FPR3: variants seen among roughly 807,000 people sequenced by gnomAD.
The protein encoded by FPR3 is N-formyl peptide receptor 3.
For synonymous variants in FPR3, 135 were observed against 163.6 expected (o/e 0.83, Z 1.34); for missense variants, 346 against 443.2 (o/e 0.78, Z 1.97).
intron 1 of FPR3, among the ~76,000 whole-genome samples, chr19:51,799,197 T>C (rs2084015866): frequency 6.6e-6 from 1 of 152,160 alleles, no homozygotes; most frequent in Non-Finnish European, 1.5e-5. Flanking sequence ...GCCTGTCCTC[T>C]TGCTCCTCTG....
At chr19:51,809,103 A>G (rs899939551) in intron 1 of FPR3, among the ~76,000 whole-genome samples, 4 of 152,214 alleles carry the variant, frequency 2.6e-5, no homozygotes, top group Non-Finnish European at 5.9e-5. Context: ...CTGATATCTC[A>G]TGTTCTTCAA....
chr19:51,813,094 G>A (rs538696605), intron 1 of FPR3, among the ~76,000 whole-genome samples: 241 of 151,158 alleles, frequency 1.6e-3, no homozygotes, highest in African/African-American at 5.4e-3. Flanking sequence ...ACTCCAGCAT[G>A]GGTGACAGAG....
chr19:51,817,038 G>C (rs1173327277), intron 1 of FPR3, among the ~76,000 whole-genome samples: 1 of 152,096 alleles, frequency 6.6e-6, no homozygotes, highest in East Asian at 1.9e-4. Context: ...CTTGACCCTT[G>C]TTATTTGGAG....
intron 1 of FPR3, among the ~76,000 whole-genome samples, chr19:51,817,115 A>G (rs2084142774): frequency 6.6e-6 from 1 of 152,180 alleles, no homozygotes; most frequent in Non-Finnish European, 1.5e-5. Context: ...GGTTTCTAAG[A>G]TGAGTAGTTT....
chr19:51,821,489 C>T (rs1439641516), intron 1 of FPR3, among the ~76,000 whole-genome samples: 2 of 152,126 alleles, frequency 1.3e-5, no homozygotes, highest in South Asian at 2.1e-4. Context: ...CAAAGAATTA[C>T]ACAGCCCCAA....
chr19:51,807,454 G>C (rs2122431590), intron 1 of FPR3, among the ~76,000 whole-genome samples: 1 of 152,244 alleles, frequency 6.6e-6, no homozygotes. Context: ...ATGCTGAGTT[G>C]GTCACGTCCC....
chr19:51,802,962 GTGGTCTGTATTGCTTACAGA>G (rs1219649028), intron 1 of FPR3, among the ~76,000 whole-genome samples: 2 of 152,226 alleles, frequency 1.3e-5, no homozygotes, highest in Non-Finnish European at 2.9e-5. Context: ...GGCAGGAATT[GTGGTCTGTATTGCTTACAGA>G]TGAATCCTCA....
At chr19:51,823,145 G>A (rs766679367) in intron 1 of FPR3, among the ~76,000 whole-genome samples, 1 of 152,120 alleles carries the variant, frequency 6.6e-6, no homozygotes, top group African/African-American at 2.4e-5. Flanking sequence ...TTACAGGCAT[G>A]AGTCACCACG....
chr19:51,812,770 C>T (rs1159939181), intron 1 of FPR3, among the ~76,000 whole-genome samples: 1 of 152,180 alleles, frequency 6.6e-6, no homozygotes, highest in Admixed American at 6.5e-5. Context: ...TTTAATTCGT[C>T]TCTTAGTCCA....
At chr19:51,798,606 C>T (rs1381768246) in intron 1 of FPR3, among the ~76,000 whole-genome samples, 2 of 152,138 alleles carry the variant, frequency 1.3e-5, no homozygotes, top group East Asian at 1.9e-4. Flanking sequence ...GGTAGTGGCT[C>T]TGTTCGGTCT....
intron 1 of FPR3, among the ~76,000 whole-genome samples, chr19:51,806,936 G>A (rs549490549): frequency 1.3e-5 from 2 of 152,318 alleles, no homozygotes; most frequent in African/African-American, 4.8e-5. Context: ...TAAGTTGATA[G>A]GTAGCAATAC....
At chr19:51,815,190 G>C (rs976332707) in intron 1 of FPR3, among the ~76,000 whole-genome samples, 10 of 152,180 alleles carry the variant, frequency 6.6e-5, no homozygotes, top group Non-Finnish European at 1.3e-4. Flanking sequence ...CAAAAATCAA[G>C]TGACTAGAGG....
chr19:51,818,170 T>C (rs1031503865), intron 1 of FPR3, among the ~76,000 whole-genome samples: 9 of 152,198 alleles, frequency 5.9e-5, no homozygotes, highest in Non-Finnish European at 1.3e-4. Flanking sequence ...GTGCTATAAA[T>C]ATAAAATGCA....
chr19:51,803,081 TTAAG>T (rs1280653945), intron 1 of FPR3, among the ~76,000 whole-genome samples: 3 of 145,104 alleles, frequency 2.1e-5, no homozygotes, highest in African/African-American at 5.1e-5. Flanking sequence ...ACCTAGATAT[TTAAG>T]TGAGAAACAT....
At chr19:51,810,302 G>A (rs992820995) in intron 1 of FPR3, among the ~76,000 whole-genome samples, 18 of 152,140 alleles carry the variant, frequency 1.2e-4, no homozygotes, top group Admixed American at 2.0e-4. Context: ...TTTACAATCC[G>A]CGTTTGCATC....
chr19:51,816,030 A>G (rs2122466887), intron 1 of FPR3, among the ~76,000 whole-genome samples: 1 of 151,364 alleles, frequency 6.6e-6, no homozygotes, highest in Admixed American at 6.6e-5. Context: ...CTGCACCACT[A>G]CACCCCAGAC....
chr19:51,801,376 TG>T (rs1300794050), intron 1 of FPR3, among the ~76,000 whole-genome samples: 1 of 152,178 alleles, frequency 6.6e-6, no homozygotes, highest in East Asian at 1.9e-4. Context: ...TTGGTTTGAC[TG>T]GAAATTCAAA....
rs1312734822 is a variant in FPR3 at position 51,823,964 on chromosome 19, C to T, written c.216C>T (p.Phe72=). ...ACCTGAACCTGGCCCTAGCTGACTT[C>T]TCTTTCAGTGCCATCCTACCATTCC... The part of the protein sequence containing the change: ...ICYLNLALAD[F]SFSAILPFRM... Residue 72 remains phenylalanine, a synonymous_variant, in exon 2 of 2, where the codon TTC becomes TTT. Transcript: ENST00000339223. 6.2e-7 allele frequency: 1 copy of T among 1,614,010 alleles called. No individual in the cohort carries two copies. Among genetic ancestry groups the T allele is most frequent in the Admixed American group, 1.7e-5 (1 of 60,004 alleles).
chr19:51,815,417 A>T (rs2122463693), intron 1 of FPR3, among the ~76,000 whole-genome samples: 1 of 152,200 alleles, frequency 6.6e-6, no homozygotes, highest in Non-Finnish European at 1.5e-5. Context: ...AAAATTAGCC[A>T]GGCATGGTGA....
Sources: gnomAD v4.1 joint callset for allele counts (sites outside exome capture counted in the v4.1 genomes callset) on GRCh38, gnomAD v4.1.1 for gene constraint, MANE v1.5 for transcripts, NCBI Gene and HGNC (gene_info 2026-07-23, HGNC 2026-07-21) for gene names.